TACR3: variants seen among roughly 807,000 people sequenced by gnomAD.
TACR3 encodes the protein tachykinin receptor 3, also known as neuromedin-K receptor.
In TACR3, 34 loss-of-function variants were observed where a neutral mutation model predicts 35.0. The observed-to-expected ratio is 0.97, with a 90% CI of 0.74 to 1.30. The LOEUF (loss-of-function observed/expected upper bound fraction) is 1.30, where lower values mean the gene tolerates loss of function less well. Among genes scored for constraint, TACR3 ranks in the 50% most tolerant of loss-of-function variants. The pLI is 0.00. For synonymous variants in TACR3, 233 were observed against 221.1 expected (o/e 1.05, Z -0.48); for missense variants, 558 against 591.7 (o/e 0.94, Z 0.59).
chr4:103,711,214 C>T (rs1722949487), intron 1 of TACR3, among the ~76,000 whole-genome samples: 1 of 152,122 alleles, frequency 6.6e-6, no homozygotes, highest in Non-Finnish European at 1.5e-5. Flanking sequence ...GACCAATATC[C>T]CTGATGAACA....
intron 3 of TACR3, among the ~76,000 whole-genome samples, chr4:103,615,600 T>TA (rs990852296): frequency 6.6e-6 from 1 of 152,190 alleles, no homozygotes; most frequent in East Asian, 1.9e-4. Context: ...GCTTTCCTAT[T>TA]AAAAAACTAT....
intron 3 of TACR3, among the ~76,000 whole-genome samples, chr4:103,606,301 G>T (rs559707215): frequency 6.7e-6 from 1 of 150,066 alleles, no homozygotes; most frequent in South Asian, 2.1e-4. Flanking sequence ...TTGACTTGGC[G>T]ATGCGGGCTC....
At chr4:103,611,654 C>T (rs1037706180) in intron 3 of TACR3, among the ~76,000 whole-genome samples, 1 of 151,624 alleles carries the variant, frequency 6.6e-6, no homozygotes, top group Admixed American at 6.6e-5. Context: ...CAAGCATTTC[C>T]TTTTTTTTAA....
chr4:103,656,229 C>T lies in TACR3; in HGVS notation c.853G>A (p.Asp285Asn). Residue 285 changes from aspartate to asparagine, a missense_variant, in exon 3 of 5, where the codon GAC becomes AAC. By Grantham distance (23) the Asp-to-Asn change is conservative. Coordinates refer to ENST00000304883, the MANE Select transcript of TACR3 (RefSeq NM_001059.3). ...GCCTTTAGCTGCTCATGATACTTGT[C>T]ACAGGTATCTCCTGGGATTTCTCCT... ...WGGEIPGDTC[D>N]KYHEQLKAKR... 6.2e-7 allele frequency: 1 copy of T among 1,612,992 alleles called. No homozygotes were observed. The highest frequency in any genetic ancestry group is 8.5e-7 in the Non-Finnish European group (1 of 1,179,286).
At chr4:103,627,968 A>C (rs147620073) in intron 3 of TACR3, among the ~76,000 whole-genome samples, 131 of 152,314 alleles carry the variant, frequency 8.6e-4, no homozygotes, top group African/African-American at 3.1e-3. Context: ...GTGCAATCAA[A>C]TCAGAACTCA....
At chr4:103,592,995 G>A (rs1021741609) in intron 3 of TACR3, among the ~76,000 whole-genome samples, 5 of 152,098 alleles carry the variant, frequency 3.3e-5, no homozygotes, top group African/African-American at 1.2e-4. Flanking sequence ...GTCATCACTG[G>A]CCACATCACA....
chr4:103,664,552 G>A (rs776468717), intron 1 of TACR3, among the ~76,000 whole-genome samples: 7 of 152,010 alleles, frequency 4.6e-5, no homozygotes, highest in Non-Finnish European at 1.0e-4. Flanking sequence ...CAATCAATTT[G>A]CTCCTGGTCA....
Position 103,617,119 on chromosome 4 carries a change from A to C in TACR3, c.889-25436T>G, listed in dbSNP as rs187216201. ...AATGTTCACTAAGCAACAAAAAATT[A>C]TGAGACATGTGAATAAATAGAAAAA... On this transcript the variant is annotated intron_variant, in intron 3 of 4. Coordinates refer to ENST00000304883, the MANE Select transcript of TACR3 (RefSeq NM_001059.3). Among the ~76,000 whole-genome samples, 40 of 152,340 alleles carry C rather than the reference A, an allele frequency of 2.6e-4. 1 individual carries two copies. Among genetic ancestry groups the C allele is most frequent in the Admixed American group, 1.8e-3 (28 of 15,290 alleles).
At chr4:103,637,990 A>C (rs1331193278) in intron 3 of TACR3, among the ~76,000 whole-genome samples, 1 of 152,202 alleles carries the variant, frequency 6.6e-6, no homozygotes, top group Admixed American at 6.6e-5. Flanking sequence ...GGAAGAATCA[A>C]TATCATAAAA....
At chr4:103,602,047 T>A (rs1291771761) in intron 3 of TACR3, among the ~76,000 whole-genome samples, 2 of 152,216 alleles carry the variant, frequency 1.3e-5, no homozygotes, top group Admixed American at 6.5e-5. Flanking sequence ...TTTGGTCTTT[T>A]CACATAGTCC....
At chr4:103,622,028 G>C (rs1294206927) in intron 3 of TACR3, among the ~76,000 whole-genome samples, 1 of 152,186 alleles carries the variant, frequency 6.6e-6, no homozygotes, top group Non-Finnish European at 1.5e-5. Flanking sequence ...AGCCAAAAAA[G>C]TCTACTGAAG....
chr4:103,597,540 G>T (rs1381397701), intron 3 of TACR3, among the ~76,000 whole-genome samples: 6 of 152,004 alleles, frequency 3.9e-5, no homozygotes, highest in Non-Finnish European at 5.9e-5. Flanking sequence ...GTGCCATGTT[G>T]GTCTGCTGCA....
At chr4:103,630,664 TA>T (rs1307362348) in intron 3 of TACR3, among the ~76,000 whole-genome samples, 1 of 152,158 alleles carries the variant, frequency 6.6e-6, no homozygotes, top group East Asian at 1.9e-4. Flanking sequence ...TGGTGATCGT[TA>T]AAAAGTCAGG....
At chr4:103,712,555 T>C (rs1368424216) in intron 1 of TACR3, among the ~76,000 whole-genome samples, 2 of 152,200 alleles carry the variant, frequency 1.3e-5, no homozygotes, top group African/African-American at 2.4e-5. Flanking sequence ...ATTCAGGTCA[T>C]AGGCATGGGC....
chr4:103,697,799 A>G (rs933133151), intron 1 of TACR3, among the ~76,000 whole-genome samples: 4 of 152,102 alleles, frequency 2.6e-5, no homozygotes, highest in Admixed American at 2.6e-4. Flanking sequence ...AGACTTGATA[A>G]CTTTTAATGC....
intron 3 of TACR3, among the ~76,000 whole-genome samples, chr4:103,600,663 T>C (rs956131228): frequency 6.6e-6 from 1 of 152,234 alleles, no homozygotes; most frequent in Non-Finnish European, 1.5e-5. Context: ...TATTGTGTCT[T>C]TGTTCTCATT....
In TACR3 at chr4:103,719,210, T is replaced by A; in HGVS notation, c.466A>T (p.Asn156Tyr). Reference sequence around the variant, plus strand: ...AAGAAGTTCTGGAAGCGGCAGTAGTTGGCGCCAAAGTACCACTCGCTATGA... The same window carrying A: ...AAGAAGTTCTGGAAGCGGCAGTAGTAGGCGCCAAAGTACCACTCGCTATGA... ...ALHSEWYFGA[N>Y]YCRFQNFFPI... Residue 156 changes from asparagine to tyrosine, a missense_variant, in exon 1 of 5, where the codon AAC becomes TAC. Coordinates refer to ENST00000304883, the MANE Select transcript of TACR3 (RefSeq NM_001059.3). 6.2e-7 allele frequency: 1 copy of A among 1,614,166 alleles called. No individual in the cohort carries two copies. Among genetic ancestry groups the A allele is most frequent in the Non-Finnish European group, 8.5e-7 (1 of 1,180,034 alleles).
At chr4:103,602,759 CAGAGG>C (rs1724240197) in intron 3 of TACR3, among the ~76,000 whole-genome samples, 1 of 152,162 alleles carries the variant, frequency 6.6e-6, no homozygotes, top group Non-Finnish European at 1.5e-5. Context: ...AGTTTTGTCT[CAGAGG>C]AGTACCAGGC....
intron 3 of TACR3, among the ~76,000 whole-genome samples, chr4:103,654,504 G>C (rs906469693): frequency 1.5e-5 from 2 of 135,180 alleles, no homozygotes. Context: ...CATGAGAACA[G>C]ATGGACACAG....
Sources: gnomAD v4.1 joint callset for allele counts (sites outside exome capture counted in the v4.1 genomes callset) on GRCh38, gnomAD v4.1.1 for gene constraint, MANE v1.5 for transcripts, NCBI Gene and HGNC (gene_info 2026-07-23, HGNC 2026-07-21) for gene names.